The following LOC400499 variants were observed in gnomAD, a reference collection of about 807,000 sequenced individuals.
At chr16:11,422,516 G>A in the LOC400499 span, among the ~76,000 whole-genome samples, 1 of 152,206 alleles carries the variant, frequency 6.6e-6, no homozygotes, top group African/African-American at 2.4e-5. Flanking sequence ...AGCGGCAGCA[G>A]CTGCGATCAC....
chr16:11,421,696 T>C, the LOC400499 span, among the ~76,000 whole-genome samples: 4 of 152,104 alleles, frequency 2.6e-5, no homozygotes, highest in South Asian at 8.3e-4. Flanking sequence ...CTTGTATAAT[T>C]CTGTTTGTAT....
chr16:11,432,470 G>A, the LOC400499 span, among the ~76,000 whole-genome samples: 1 of 152,324 alleles, frequency 6.6e-6, no homozygotes, highest in East Asian at 1.9e-4. Context: ...CAGGTAGAGA[G>A]AGAGTAATAT....
At chr16:11,402,122 C>G in the LOC400499 span, 2 of 398,926 alleles carry the variant, frequency 5.0e-6, no homozygotes, top group Non-Finnish European at 8.8e-6. Flanking sequence ...GCTGCAGTGT[C>G]GCGGCAGGGG....
At chr16:11,383,088 C>T in the LOC400499 span, among the ~76,000 whole-genome samples, 26 of 147,124 alleles carry the variant, frequency 1.8e-4, no homozygotes, top group Non-Finnish European at 2.4e-4. Flanking sequence ...TTTTTTGAGA[C>T]GGAGTCTCAC....
the LOC400499 span, among the ~76,000 whole-genome samples, chr16:11,520,917 C>T: frequency 2.6e-5 from 4 of 152,130 alleles, no homozygotes; most frequent in Non-Finnish European, 5.9e-5. Context: ...TACACTGGTT[C>T]TTTATATCCT....
At chr16:11,421,591 A>T in the LOC400499 span, among the ~76,000 whole-genome samples, 1 of 152,126 alleles carries the variant, frequency 6.6e-6, no homozygotes, top group Non-Finnish European at 1.5e-5. Flanking sequence ...TTTAGTAGAG[A>T]CAGGGTTTTA....
the LOC400499 span, among the ~76,000 whole-genome samples, chr16:11,489,924 A>G: frequency 6.6e-6 from 1 of 152,232 alleles, no homozygotes; most frequent in South Asian, 2.1e-4. Flanking sequence ...CTGTGCAGGT[A>G]GGTTTGTGGT....
chr16:11,490,988 G>C, the LOC400499 span, among the ~76,000 whole-genome samples: 4 of 152,172 alleles, frequency 2.6e-5, no homozygotes, highest in Non-Finnish European at 4.4e-5. Flanking sequence ...AACATTAAAA[G>C]CAACAGTCAC....
At chr16:11,387,134 C>G in the LOC400499 span, 1 of 1,232,274 alleles carries the variant, frequency 8.1e-7, no homozygotes, top group Non-Finnish European at 1.0e-6. Context: ...CGCCAGCAGG[C>G]GGCGTCTGAG....
At chr16:11,404,773 G>C in the LOC400499 span, 1 of 399,094 alleles carries the variant, frequency 2.5e-6, no homozygotes. Flanking sequence ...GCCACCTCCT[G>C]GCCATCCCAC....
At chr16:11,471,085 T>C in the LOC400499 span, among the ~76,000 whole-genome samples, 7 of 151,892 alleles carry the variant, frequency 4.6e-5, no homozygotes, top group East Asian at 1.9e-4. Context: ...ACAGAAGCCA[T>C]AGGGGGGCAG....
At chr16:11,520,213 T>C in the LOC400499 span, among the ~76,000 whole-genome samples, 2 of 152,276 alleles carry the variant, frequency 1.3e-5, no homozygotes, top group African/African-American at 2.4e-5. Flanking sequence ...CACTGAATCA[T>C]AGACTTAAGA....
At chr16:11,491,711 G>C in the LOC400499 span, 10 of 398,226 alleles carry the variant, frequency 2.5e-5, no homozygotes, top group African/African-American at 1.9e-4. Flanking sequence ...CCTGGGTGGA[G>C]AGCTCGCCTG....
the LOC400499 span, among the ~76,000 whole-genome samples, chr16:11,445,804 A>G: frequency 6.6e-6 from 1 of 151,314 alleles, no homozygotes; most frequent in Non-Finnish European, 1.5e-5. Context: ...AGGGAGGACC[A>G]AATGAAACAG....
At chr16:11,384,184 T>C in the LOC400499 span, 54 of 1,223,142 alleles carry the variant, frequency 4.4e-5, no homozygotes, top group East Asian at 1.7e-3. Flanking sequence ...GAACCTCAGC[T>C]GGAAGCAGGA....
the LOC400499 span, among the ~76,000 whole-genome samples, chr16:11,521,473 C>T: frequency 2.2e-3 from 332 of 152,252 alleles, 2 homozygotes; most frequent in African/African-American, 7.6e-3. Context: ...ACCACTGGAC[C>T]TTAGTGTTTG....
the LOC400499 span, among the ~76,000 whole-genome samples, chr16:11,524,361 G>GCCCCCCCCCCCCCCCCCCCCCCCCCCC: frequency 1.1e-5 from 1 of 93,728 alleles, no homozygotes. Flanking sequence ...CATCCACCCA[G>GCCCCCCCCCCCCCCCCCCCCCCCCCCC]CCACCCACCC....
At chr16:11,372,523 A>G in the LOC400499 span, 2,987 of 153,110 alleles carry the variant, frequency 0.02, 116 homozygotes, top group African/African-American at 0.07. Context: ...GACCAGTGGG[A>G]GAGTTTCATG....
chr16:11,440,976 C>T, the LOC400499 span: 1,493 of 399,042 alleles, frequency 3.7e-3, 6 homozygotes, highest in Non-Finnish European at 5.4e-3. Context: ...CAGGCTGTGC[C>T]GGATTTCCCC....
Sources: allele counts gnomAD v4.1 joint callset (sites outside exome capture counted in the v4.1 genomes callset), GRCh38; gene constraint gnomAD v4.1.1; transcripts MANE v1.5.